The following ANKFY1 variants were observed in gnomAD, a reference collection of about 807,000 sequenced individuals.
ANKFY1 encodes the protein ankyrin repeat and FYVE domain-containing protein 1.
ANKFY1 carries 47 observed loss-of-function variants against 128.3 expected under a neutral mutation model. The ratio of observed to expected loss-of-function variants is 0.37; its 90% CI spans 0.29 to 0.47. The LOEUF is 0.47. Among genes scored for constraint, ANKFY1 ranks in the 20% least tolerant of loss-of-function variants. ANKFY1 has a pLI of 1.00. For synonymous variants in ANKFY1, 553 were observed against 601.6 expected (o/e 0.92, Z 1.18); for missense variants, 1,222 against 1,510.6 (o/e 0.81, Z 3.17).
chr17:4,164,647 A>G lies in ANKFY1; in HGVS notation c.*3132T>C, dbSNP rs528674813. Reference sequence around the variant, plus strand: ...TCAAAAGTGTTCTTTTTCTCCAGATAAAAGAAACCTAGATGGAGGTCAAGC... The same window carrying G: ...TCAAAAGTGTTCTTTTTCTCCAGATGAAAGAAACCTAGATGGAGGTCAAGC... On this transcript the variant is annotated 3_prime_UTR_variant, in exon 25 of 25. Transcript: ENST00000341657. 1 of 152,344 alleles carries G rather than the reference A, an allele frequency of 6.6e-6. No individual in the cohort carries two copies. Among genetic ancestry groups the G allele is most frequent in the Non-Finnish European group, 1.5e-5 (1 of 68,036 alleles). The allele number at this position is 152,344 out of a possible 1,614,324, so 9.4% of individuals were successfully genotyped here. A position where few individuals can be genotyped will look rare whatever the true frequency, so the allele number is the denominator to read the frequency against.
rs1411343899 is a variant in ANKFY1 at position 4,167,068 on chromosome 17, G to A, written c.*711C>T. ...CTCCACAGACAGGACGCAGCAAGACGAGAGAATGAGACGGCTGCTACGAGG... is the reference window on the plus strand; with the variant it reads ...CTCCACAGACAGGACGCAGCAAGACAAGAGAATGAGACGGCTGCTACGAGG... On this transcript the variant is annotated 3_prime_UTR_variant, in exon 25 of 25. Coordinates refer to ENST00000341657, the MANE Select transcript of ANKFY1 (RefSeq NM_001330063.2). The surrounding 1 kb of genome is among the most constrained non-coding windows in gnomAD (Gnocchi z 4.1). 2.0e-5 allele frequency: 3 copies of A among 152,634 alleles called. No individual in the cohort carries two copies. The highest frequency in any genetic ancestry group is 4.4e-5 in the Non-Finnish European group (3 of 68,058). 9.5% of individuals were successfully genotyped at this position (152,634 alleles called of 1,614,324 possible).
At chr17:4,175,631 C>T (rs1057431785) in intron 19 of ANKFY1, among the ~76,000 whole-genome samples, 1 of 152,136 alleles carries the variant, frequency 6.6e-6, no homozygotes, top group Non-Finnish European at 1.5e-5. Context: ...ACCCTGACTT[C>T]TAAGTCTCAG....
chr17:4,205,110 C>T (rs1025892639), intron 7 of ANKFY1, among the ~76,000 whole-genome samples: 1 of 152,112 alleles, frequency 6.6e-6, no homozygotes, highest in Admixed American at 6.5e-5. Context: ...AATAGTATAA[C>T]AATGCATCAT....
intron 1 of ANKFY1, among the ~76,000 whole-genome samples, chr17:4,252,064 A>G (rs1023369220): frequency 6.6e-6 from 1 of 151,662 alleles, no homozygotes; most frequent in African/African-American, 2.4e-5. Flanking sequence ...ACTTGTATAC[A>G]GATTATATTA....
intron 3 of ANKFY1, among the ~76,000 whole-genome samples, chr17:4,219,340 A>T (rs1335340105): frequency 6.6e-6 from 1 of 152,234 alleles, no homozygotes; most frequent in African/African-American, 2.4e-5. Context: ...GTCCTGGGCC[A>T]GGAGATTCAG....
chr17:4,221,059 C>A (rs1444006376), intron 3 of ANKFY1, among the ~76,000 whole-genome samples: 1 of 152,222 alleles, frequency 6.6e-6, no homozygotes, highest in African/African-American at 2.4e-5. Flanking sequence ...CATGTAAATA[C>A]ACTTTGGAGA....
At chr17:4,237,320 TTTA>T (rs1966954840) in intron 2 of ANKFY1, among the ~76,000 whole-genome samples, 1 of 152,188 alleles carries the variant, frequency 6.6e-6, no homozygotes. Context: ...TAAGAGAGTA[TTTA>T]TTATTTCAAA....
chr17:4,186,990 C>G, intron 11 of ANKFY1: 1 of 1,212,262 alleles, frequency 8.2e-7, no homozygotes, highest in East Asian at 3.3e-5. Context: ...ATGGGTTCGC[C>G]GCAACTGTTT....
chr17:4,246,295 G>A (rs1381505539), intron 1 of ANKFY1, among the ~76,000 whole-genome samples: 1 of 152,124 alleles, frequency 6.6e-6, no homozygotes, highest in Non-Finnish European at 1.5e-5. Flanking sequence ...TGCAAGAGAA[G>A]GTTTCGATCT....
At chr17:4,186,669 C>A in intron 11 of ANKFY1, 1 of 316,268 alleles carries the variant, frequency 3.2e-6, no homozygotes, top group Non-Finnish European at 4.6e-6. Flanking sequence ...AGTGTGAGCC[C>A]GCCCAAGTAT....
chr17:4,243,192 G>T (rs1196508709), intron 1 of ANKFY1, among the ~76,000 whole-genome samples: 1 of 151,802 alleles, frequency 6.6e-6, no homozygotes, highest in East Asian at 1.9e-4. Context: ...TCAGCCTCCT[G>T]AGTAGCTGGG....
In ANKFY1 at chr17:4,167,959, T is replaced by A; in HGVS notation, c.3378-48A>T. The A allele has an allele frequency of 6.3e-7, 1 of 1,583,862 alleles. No homozygotes were observed. The highest frequency in any genetic ancestry group is 8.6e-7 in the Non-Finnish European group (1 of 1,161,506). Reference sequence around the variant, plus strand: ...TATGAGAGGAGCGCCAACGACAGACTCTGCTTCCTGGCACGTGAGGACAAC... The same window carrying A: ...TATGAGAGGAGCGCCAACGACAGACACTGCTTCCTGGCACGTGAGGACAAC... On this transcript the variant is annotated intron_variant, in intron 24 of 24. Transcript: ENST00000341657. This position sits in a 1 kb window ranked among gnomAD's most constrained non-coding sequence, Gnocchi z 4.1.
intron 1 of ANKFY1, among the ~76,000 whole-genome samples, chr17:4,243,567 C>T (rs1424929405): frequency 6.6e-6 from 1 of 152,172 alleles, no homozygotes; most frequent in Non-Finnish European, 1.5e-5. Context: ...TAGAGGAGGA[C>T]ACTGGGACAC....
At position 4,164,947 on chromosome 17, in the gene ANKFY1, C is replaced by T. The variant is rs1355979451; in HGVS notation, c.*2832G>A. ...AGGTGAACTGAGCAATCGAATCCAG[C>T]CTCAACTAAATTGGTAATTGGGGTT... is the stretch of plus-strand genomic sequence containing the variant. On this transcript the variant is annotated 3_prime_UTR_variant, in exon 25 of 25. Coordinates refer to ENST00000341657, the MANE Select transcript of ANKFY1 (RefSeq NM_001330063.2). 2 of 152,660 alleles carry T rather than the reference C, an allele frequency of 1.3e-5. No individual in the cohort carries two copies. Among genetic ancestry groups the T allele is most frequent in the Non-Finnish European group, 2.9e-5 (2 of 68,058 alleles). The allele number at this position is 152,660 out of a possible 1,614,324, so 9.5% of individuals were successfully genotyped here. A position where few individuals can be genotyped will look rare whatever the true frequency, so the allele number is the denominator to read the frequency against.
At chr17:4,248,227 G>A (rs780016143) in intron 1 of ANKFY1, among the ~76,000 whole-genome samples, 1 of 152,094 alleles carries the variant, frequency 6.6e-6, no homozygotes, top group Non-Finnish European at 1.5e-5. Flanking sequence ...CCAGCAGGAG[G>A]TGAGCTGCGG....
At position 4,183,405 on chromosome 17, in the gene ANKFY1, T is replaced by A; in HGVS notation, c.1945A>T (p.Asn649Tyr). ...AGAGCGGCTTCCTCCTACCTGACAT[T>A]TATATCTGCCTGGTGCTCCAGCAGG... ...LFLLEHQADI[N>Y]VRTQDGETAL... The change falls in exon 14 of 25, where the codon AAT becomes TAT. Residue 649 changes from asparagine to tyrosine, a missense_variant. By Grantham distance (143) the Asn-to-Tyr change is moderately radical (BLOSUM62 -2). Transcript: ENST00000341657. 1 of 1,613,770 alleles carries A rather than the reference T, an allele frequency of 6.2e-7. No homozygotes were observed. The highest frequency in any genetic ancestry group is 8.5e-7 in the Non-Finnish European group (1 of 1,179,898).
intron 15 of ANKFY1, 103 bp downstream of exon 15, chr17:4,182,077 AC>A: frequency 8.5e-7 from 1 of 1,169,978 alleles, no homozygotes; most frequent in Non-Finnish European, 1.1e-6. Context: ...CCACTATGTT[AC>A]TTGACAGATC....
chr17:4,215,703 AAC>A (rs1229804055), intron 4 of ANKFY1, among the ~76,000 whole-genome samples: 1 of 152,122 alleles, frequency 6.6e-6, no homozygotes, highest in Non-Finnish European at 1.5e-5. Flanking sequence ...ACAAACAACA[AAC>A]AGTTTAATTA....
intron 19 of ANKFY1, among the ~76,000 whole-genome samples, chr17:4,174,265 A>G (rs150731531): frequency 3.3e-4 from 51 of 152,312 alleles, no homozygotes; most frequent in African/African-American, 1.2e-3. Flanking sequence ...ATTACCTATC[A>G]AAATGTTAAA....
Sources: allele counts gnomAD v4.1 joint callset (sites outside exome capture counted in the v4.1 genomes callset), GRCh38; gene constraint gnomAD v4.1.1; non-coding constraint Gnocchi (gnomAD v3.1); transcripts MANE v1.5; gene names NCBI Gene and HGNC (gene_info 2026-07-23, HGNC 2026-07-21).